Variants in EXOC4 observed in about 807,000 individuals in gnomAD.
EXOC4 encodes exocyst complex component 4.
EXOC4 carries 71 observed loss-of-function variants against 107.2 expected under a neutral mutation model. That is an observed-to-expected ratio of 0.66 (90% confidence interval 0.55 to 0.81). The LOEUF (loss-of-function observed/expected upper bound fraction) is 0.81, where lower values mean the gene tolerates loss of function less well. EXOC4 is among the 30% of genes least tolerant of loss of function. The pLI is 0.00. For synonymous variants in EXOC4, 456 were observed against 441.2 expected (o/e 1.03, Z -0.42); for missense variants, 1,108 against 1,189.6 (o/e 0.93, Z 1.01).
At chr7:134,097,384 AAAG>A in the EXOC4 span, among the ~76,000 whole-genome samples, 1 of 152,112 alleles carries the variant, frequency 6.6e-6, no homozygotes, top group Non-Finnish European at 1.5e-5. Context: ...GAAAAAAAAA[AAAG>A]TTCATGGGTA....
intron 17 of EXOC4, among the ~76,000 whole-genome samples, chr7:134,055,640 C>T (rs1167925627): frequency 6.6e-6 from 1 of 152,252 alleles, no homozygotes; most frequent in East Asian, 1.9e-4. Context: ...CATTTCCAAC[C>T]CTGGTCGTCA....
At chr7:133,400,910 CAG>C (rs1194329551) in intron 7 of EXOC4, among the ~76,000 whole-genome samples, 2 of 152,070 alleles carry the variant, frequency 1.3e-5, no homozygotes, top group African/African-American at 4.8e-5. Context: ...AACAGAAGGA[CAG>C]AGAAAATGAA....
At chr7:133,540,276 T>C (rs1403143182) in intron 9 of EXOC4, among the ~76,000 whole-genome samples, 3 of 152,346 alleles carry the variant, frequency 2.0e-5, no homozygotes, top group African/African-American at 7.2e-5. Context: ...CATCTAAATG[T>C]TGCCACTGGA....
At chr7:133,846,542 A>G (rs1798130725) in intron 11 of EXOC4, among the ~76,000 whole-genome samples, 2 of 152,162 alleles carry the variant, frequency 1.3e-5, no homozygotes, top group Non-Finnish European at 2.9e-5. Context: ...ATTGTTCTTT[A>G]TATGCTGGGC....
At chr7:134,084,802 C>A in the EXOC4 span, among the ~76,000 whole-genome samples, 1 of 151,388 alleles carries the variant, frequency 6.6e-6, no homozygotes, top group African/African-American at 2.4e-5. Context: ...AAACTTCAGC[C>A]AAATTAAATT....
At chr7:133,434,432 A>T (rs1209697292) in intron 7 of EXOC4, among the ~76,000 whole-genome samples, 1 of 152,138 alleles carries the variant, frequency 6.6e-6, no homozygotes, top group Admixed American at 6.5e-5. Flanking sequence ...TGTAAACATG[A>T]TCTTTCCCTT....
chr7:133,646,876 A>G (rs1430163121), intron 10 of EXOC4, among the ~76,000 whole-genome samples: 1 of 152,202 alleles, frequency 6.6e-6, no homozygotes, highest in Non-Finnish European at 1.5e-5. Flanking sequence ...AGGTATTTGA[A>G]TGTTCCTAAG....
chr7:133,956,187 T>G (rs1800815387), intron 14 of EXOC4, among the ~76,000 whole-genome samples: 1 of 152,220 alleles, frequency 6.6e-6, no homozygotes, highest in Non-Finnish European at 1.5e-5. Flanking sequence ...ATGTTCTTTT[T>G]TTTTTCTTTG....
intron 11 of EXOC4, among the ~76,000 whole-genome samples, chr7:133,868,844 A>G (rs977424663): frequency 5.9e-5 from 9 of 152,020 alleles, no homozygotes; most frequent in Non-Finnish European, 8.8e-5. Context: ...CATCATTTCA[A>G]TGGGGTTTCA....
chr7:133,857,958 C>G (rs1798453839), intron 11 of EXOC4, among the ~76,000 whole-genome samples: 1 of 152,150 alleles, frequency 6.6e-6, no homozygotes, highest in African/African-American at 2.4e-5. Flanking sequence ...TTGCTGCTTC[C>G]CGTCACATGG....
rs1798697713 is a variant in EXOC4 at position 133,465,154 on chromosome 7, G to A, written c.1183-10174G>A. 2.0e-5 allele frequency among the ~76,000 whole-genome samples: 3 copies of A among 152,054 alleles called. No homozygotes were observed. The South Asian group carries it at 6.2e-4, about 32-fold the overall frequency. On this transcript the variant is annotated intron_variant, in intron 7 of 17. Transcript: ENST00000253861. ...TGTAATGGTGTAAGATAATTCTAGAGTTTGGTAGTCAAAGTTGAAAAGAAA... is the reference window on the plus strand; with the variant it reads ...TGTAATGGTGTAAGATAATTCTAGAATTTGGTAGTCAAAGTTGAAAAGAAA...
chr7:133,337,967 T>A (rs1795557819), intron 5 of EXOC4, among the ~76,000 whole-genome samples: 1 of 151,752 alleles, frequency 6.6e-6, no homozygotes, highest in Non-Finnish European at 1.5e-5. Context: ...TATCTCTCTT[T>A]GTGAAAGTAG....
intron 9 of EXOC4, among the ~76,000 whole-genome samples, chr7:133,490,546 T>C (rs1397211137): frequency 1.3e-5 from 2 of 152,238 alleles, no homozygotes; most frequent in African/African-American, 4.8e-5. Flanking sequence ...TATGAGAGTA[T>C]AGGCTCTTCT....
chr7:133,967,219 A>G (rs1328478420), intron 14 of EXOC4, among the ~76,000 whole-genome samples: 3 of 151,542 alleles, frequency 2.0e-5, no homozygotes, highest in African/African-American at 4.8e-5. Context: ...TCTCTTCTTC[A>G]TTAGTCTGGC....
At chr7:133,741,145 T>G (rs920596049) in intron 10 of EXOC4, among the ~76,000 whole-genome samples, 1 of 152,216 alleles carries the variant, frequency 6.6e-6, no homozygotes, top group African/African-American at 2.4e-5. Flanking sequence ...GGAAGATGAC[T>G]GTCTACTTTT....
intron 9 of EXOC4, among the ~76,000 whole-genome samples, chr7:133,553,457 T>C (rs1198257689): frequency 6.6e-6 from 1 of 152,188 alleles, no homozygotes; most frequent in African/African-American, 2.4e-5. Context: ...CTTCTCTTTA[T>C]ACTCCTTCCT....
At chr7:133,695,051 A>T (rs1794503021) in intron 10 of EXOC4, among the ~76,000 whole-genome samples, 1 of 151,904 alleles carries the variant, frequency 6.6e-6, no homozygotes, top group African/African-American at 2.4e-5. Context: ...GGAACTCCTG[A>T]CCTCAGGTAA....
intron 17 of EXOC4, among the ~76,000 whole-genome samples, chr7:134,035,140 G>T (rs1481279372): frequency 1.3e-5 from 2 of 151,132 alleles, no homozygotes; most frequent in Non-Finnish European, 2.9e-5. Context: ...CCACCTCCTG[G>T]GTTCAAGCCA....
At chr7:133,455,992 T>C (rs1305841885) in intron 7 of EXOC4, among the ~76,000 whole-genome samples, 1 of 152,232 alleles carries the variant, frequency 6.6e-6, no homozygotes, top group Non-Finnish European at 1.5e-5. Context: ...GAGCTGTTTG[T>C]CTCCTTCCAC....
Sources: gnomAD v4.1 joint callset for allele counts (sites outside exome capture counted in the v4.1 genomes callset) on GRCh38, gnomAD v4.1.1 for gene constraint, MANE v1.5 for transcripts, NCBI Gene and HGNC (gene_info 2026-07-23, HGNC 2026-07-21) for gene names.